The following DNAH6 variants were observed in gnomAD, a reference collection of about 807,000 sequenced individuals.
DNAH6 encodes dynein axonemal heavy chain 6.
DNAH6 carries 340 observed loss-of-function variants against 491.4 expected under a neutral mutation model. The ratio of observed to expected loss-of-function variants is 0.69; its 90% CI spans 0.63 to 0.76. The LOEUF is 0.76. Ranked by LOEUF, DNAH6 falls within the 30% of genes least tolerant of loss-of-function variation. The pLI, the probability that DNAH6 is intolerant of heterozygous loss-of-function variation, is 0.00. For missense variants in DNAH6, 4,443 were observed against 4,972.2 expected (o/e 0.89, Z 3.20); for synonymous variants, 1,603 against 1,686.1 (o/e 0.95, Z 1.21).
At chr2:84,595,022 A>G (rs568454755) in intron 17 of DNAH6, among the ~76,000 whole-genome samples, 1 of 152,358 alleles carries the variant, frequency 6.6e-6, no homozygotes, top group South Asian at 2.1e-4. Flanking sequence ...GATTACCACC[A>G]TGGATTAGAG....
In DNAH6 at chr2:84,553,944, G is replaced by A. The variant is rs187443515; in HGVS notation, c.1602+910G>A. Among the ~76,000 whole-genome samples, 114 of 152,168 alleles carry A rather than the reference G, an allele frequency of 7.5e-4. 1 individual carries two copies. Among genetic ancestry groups the A allele is most frequent in the East Asian group, 1.9e-4 (1 of 5,168 alleles). ...AGCTTCACTGGCTACTCAGATTATC[G>A]TCTGTTTCAAAGTCTTGGTCTCCCT... On this transcript the variant is annotated intron_variant, in intron 10 of 76. Coordinates refer to ENST00000389394, the MANE Select transcript of DNAH6 (RefSeq NM_001370.2).
At chr2:84,571,693 C>T (rs945192703) in intron 11 of DNAH6, among the ~76,000 whole-genome samples, 1 of 150,400 alleles carries the variant, frequency 6.6e-6, no homozygotes, top group South Asian at 2.1e-4. Flanking sequence ...GTGGGCGGAT[C>T]ACAAGGTCAG....
At chr2:84,474,462 G>A in the DNAH6 span, among the ~76,000 whole-genome samples, 21 of 152,122 alleles carry the variant, frequency 1.4e-4, no homozygotes, top group Admixed American at 2.6e-4. Flanking sequence ...ACCCCAATCC[G>A]GTCCAATCTG....
chr2:84,632,830 T>G (rs1348811980), intron 29 of DNAH6, among the ~76,000 whole-genome samples: 2 of 152,238 alleles, frequency 1.3e-5, no homozygotes, highest in Non-Finnish European at 2.9e-5. Flanking sequence ...CAGATCTCTC[T>G]GAGGATTCCA....
chr2:84,688,397 A>G, intron 44 of DNAH6, 42 bp from the exon 45 acceptor site: 2 of 1,446,308 alleles, frequency 1.4e-6, no homozygotes, highest in Non-Finnish European at 1.8e-6. Context: ...TTATGTGTCT[A>G]TCAGAATTGA....
chr2:84,569,132 C>T (rs186782602), intron 11 of DNAH6, among the ~76,000 whole-genome samples: 24 of 152,100 alleles, frequency 1.6e-4, no homozygotes, highest in Admixed American at 1.4e-3. Flanking sequence ...ACCAAAATAG[C>T]CATGTATAGA....
In DNAH6 at chr2:84,592,250, C is replaced by CAA. The variant is rs527812697; in HGVS notation, c.2611-1713_2611-1712dup. Among the ~76,000 whole-genome samples the CAA allele has an allele frequency of 3.5e-5, 5 of 144,730 alleles. No individual in the cohort carries two copies. In the East Asian group the frequency reaches 8.1e-4, roughly 23 times the overall value. 94.9% of individuals were successfully genotyped at this position (144,730 alleles called of 152,430 possible). ...TAAGGAACTCCTACAACACAATAGCCAAAAAAAAAACCCAAATTTTTAAAA... is the reference window on the plus strand; with the variant it reads ...TAAGGAACTCCTACAACACAATAGCCAAAAAAAAAAAACCCAAATTTTTAAAA... On this transcript the variant is annotated intron_variant, in intron 16 of 76. Transcript: ENST00000389394.
intron 63 of DNAH6, among the ~76,000 whole-genome samples, chr2:84,753,282 T>G (rs1378555477): frequency 6.6e-6 from 1 of 152,202 alleles, no homozygotes; most frequent in Non-Finnish European, 1.5e-5. Flanking sequence ...TACAAGTTTC[T>G]TATCAGATAT....
chr2:84,583,787 G>A (rs942587368), intron 14 of DNAH6, among the ~76,000 whole-genome samples: 16 of 148,810 alleles, frequency 1.1e-4, no homozygotes, highest in African/African-American at 1.6e-4. Flanking sequence ...GCCTTTAGCC[G>A]TGACTGTGAG....
chr2:84,627,612 AATC>A (rs1218144741), intron 29 of DNAH6, among the ~76,000 whole-genome samples: 5 of 152,186 alleles, frequency 3.3e-5, no homozygotes, highest in African/African-American at 1.2e-4. Flanking sequence ...GTATTATGAA[AATC>A]TACCAGGATG....
At chr2:84,479,580 A>G in the DNAH6 span, among the ~76,000 whole-genome samples, 2 of 152,244 alleles carry the variant, frequency 1.3e-5, no homozygotes, top group Non-Finnish European at 2.9e-5. Flanking sequence ...GGAAAGAACC[A>G]GAAAAAAGCA....
Position 84,580,976 on chromosome 2 carries a change from A to T in DNAH6, c.2229+1297A>T, listed in dbSNP as rs61737217. Among the ~76,000 whole-genome samples the T allele has an allele frequency of 8.7e-4, 133 of 152,218 alleles. 1 individual carries two copies. The highest frequency in any genetic ancestry group is 3.2e-4 in the Non-Finnish European group (22 of 68,006). ...CTGCTTCACTTCTCTCCCTCTGCAG[A>T]CAGCTACTTCTGCTTCTTCTTACCA... On this transcript the variant is annotated intron_variant, in intron 14 of 76. Transcript: ENST00000389394.
At chr2:84,509,821 C>T in the DNAH6 span, among the ~76,000 whole-genome samples, 1 of 152,278 alleles carries the variant, frequency 6.6e-6, no homozygotes, top group East Asian at 1.9e-4. Context: ...TTTTATTTCT[C>T]ATTCACTTAT....
chr2:84,588,391 G>A (rs1266471563), intron 15 of DNAH6, among the ~76,000 whole-genome samples: 1 of 152,120 alleles, frequency 6.6e-6, no homozygotes, highest in Non-Finnish European at 1.5e-5. Context: ...CATAAAACAT[G>A]TCTTGCCATT....
chr2:84,603,908 G>A (rs1490114166), intron 18 of DNAH6, among the ~76,000 whole-genome samples: 1 of 152,186 alleles, frequency 6.6e-6, no homozygotes, highest in African/African-American at 2.4e-5. Context: ...GCTTTCTTGG[G>A]AGTCCTTTCA....
chr2:84,548,564 T>A, intron 8 of DNAH6, 147 bp downstream of exon 8: 1 of 860,152 alleles, frequency 1.2e-6, no homozygotes, highest in Non-Finnish European at 1.8e-6. Context: ...GTTGTATACC[T>A]TAAGTACACA....
At chr2:84,645,881 T>C (rs1307924373) in intron 33 of DNAH6, among the ~76,000 whole-genome samples, 1 of 152,188 alleles carries the variant, frequency 6.6e-6, no homozygotes, top group Non-Finnish European at 1.5e-5. Context: ...TGGCACTGGC[T>C]CCCATACTAG....
intron 59 of DNAH6, among the ~76,000 whole-genome samples, chr2:84,722,229 T>G (rs1405430034): frequency 6.6e-6 from 1 of 152,180 alleles, no homozygotes; most frequent in Non-Finnish European, 1.5e-5. Flanking sequence ...TTGGGCATCT[T>G]CCTGGGTATC....
intron 16 of DNAH6, among the ~76,000 whole-genome samples, chr2:84,591,492 A>G (rs1364411622): frequency 6.6e-6 from 1 of 152,192 alleles, no homozygotes; most frequent in African/African-American, 2.4e-5. Flanking sequence ...TCCCATGTTC[A>G]TTGATTAAAA....
Sources: gnomAD v4.1 joint callset for allele counts (sites outside exome capture counted in the v4.1 genomes callset) on GRCh38, gnomAD v4.1.1 for gene constraint, MANE v1.5 for transcripts, NCBI Gene and HGNC (gene_info 2026-07-23, HGNC 2026-07-21) for gene names.